Variants in ADGRB3 observed in about 807,000 individuals in gnomAD.
ADGRB3 encodes brain-specific angiogenesis inhibitor 3.
In ADGRB3, 37 loss-of-function variants were observed where a neutral mutation model predicts 193.4. The observed-to-expected ratio is 0.19, with a 90% CI of 0.15 to 0.25. ADGRB3 has a LOEUF of 0.25. Ranked by LOEUF, ADGRB3 falls within the 10% of genes least tolerant of loss-of-function variation. The pLI is 1.00. For synonymous variants in ADGRB3, 690 were observed against 644.2 expected (o/e 1.07, Z -1.08); for missense variants, 1,637 against 1,852.9 (o/e 0.88, Z 2.14).
At chr6:69,235,299 T>A (rs192820841) in intron 19 of ADGRB3, among the ~76,000 whole-genome samples, 164 bp downstream of exon 19, 1 of 152,134 alleles carries the variant, frequency 6.6e-6, no homozygotes, top group Admixed American at 6.5e-5. Context: ...AAATGAATTA[T>A]GTTTACCTAA....
chr6:68,994,836 A>G (rs1322042360), intron 11 of ADGRB3, among the ~76,000 whole-genome samples: 1 of 152,124 alleles, frequency 6.6e-6, no homozygotes, highest in African/African-American at 2.4e-5. Flanking sequence ...TTGTAAGTTT[A>G]TTGGTATTTC....
intron 3 of ADGRB3, among the ~76,000 whole-genome samples, chr6:68,736,833 C>T (rs551484376): frequency 1.3e-5 from 2 of 152,020 alleles, no homozygotes; most frequent in Admixed American, 1.3e-4. Flanking sequence ...TACCTAGAAG[C>T]TGGGTCACTA....
intron 20 of ADGRB3, among the ~76,000 whole-genome samples, chr6:69,243,277 C>A (rs113759627): frequency 0.077 from 11,772 of 151,972 alleles, 557 homozygotes; most frequent in Middle Eastern, 0.16. Context: ...GATAATCCCT[C>A]ATTAGCAAAT....
intron 17 of ADGRB3, among the ~76,000 whole-genome samples, chr6:69,106,738 G>C (rs1463090165): frequency 4.6e-5 from 7 of 152,196 alleles, no homozygotes; most frequent in Non-Finnish European, 1.0e-4. Flanking sequence ...TGAATTATTT[G>C]TTTACACTTG....
At chr6:68,982,471 G>A (rs1251883812) in intron 10 of ADGRB3, among the ~76,000 whole-genome samples, 1 of 152,092 alleles carries the variant, frequency 6.6e-6, no homozygotes, top group Non-Finnish European at 1.5e-5. Flanking sequence ...GCCTATATGT[G>A]CCCATCCTGT....
At chr6:68,963,431 ACTT>A (rs1768289278) in intron 8 of ADGRB3, among the ~76,000 whole-genome samples, 1 of 151,934 alleles carries the variant, frequency 6.6e-6, no homozygotes, top group Admixed American at 6.6e-5. Flanking sequence ...TTTCTCAAAA[ACTT>A]CTGTGGCTTT....
At chr6:69,313,937 G>A (rs1768254909) in intron 20 of ADGRB3, among the ~76,000 whole-genome samples, 1 of 151,676 alleles carries the variant, frequency 6.6e-6, no homozygotes, top group Non-Finnish European at 1.5e-5. Context: ...AAGAGAAAAT[G>A]CTTCCTTTTT....
At chr6:69,327,086 C>T (rs546469243) in intron 21 of ADGRB3, among the ~76,000 whole-genome samples, 19 of 151,848 alleles carry the variant, frequency 1.3e-4, no homozygotes, top group East Asian at 1.2e-3. Context: ...GATTAGATGA[C>T]GGATTTTTCA....
At chr6:68,755,963 A>G (rs1438690856) in intron 3 of ADGRB3, among the ~76,000 whole-genome samples, 1 of 152,176 alleles carries the variant, frequency 6.6e-6, no homozygotes, top group Non-Finnish European at 1.5e-5. Context: ...AGCATATTTA[A>G]GGAAGATAAT....
chr6:69,163,285 C>A (rs1157103290), intron 17 of ADGRB3, among the ~76,000 whole-genome samples: 1 of 151,986 alleles, frequency 6.6e-6, no homozygotes, highest in Non-Finnish European at 1.5e-5. Context: ...CACAGCAACA[C>A]CAATGGAAAT....
chr6:68,668,103 C>T (rs1176402120), intron 3 of ADGRB3, among the ~76,000 whole-genome samples: 1 of 151,886 alleles, frequency 6.6e-6, no homozygotes, highest in Non-Finnish European at 1.5e-5. Context: ...AGTTAGAGAA[C>T]AGGAAGTTAC....
At chr6:68,993,674 A>G in intron 10 of ADGRB3, 94 bp from the exon 11 acceptor site, 1 of 1,310,736 alleles carries the variant, frequency 7.6e-7, no homozygotes, top group Non-Finnish European at 1.1e-6. Context: ...TTTTAAGTTA[A>G]TTGAGCAATT....
At chr6:68,684,646 A>G (rs2127299465) in intron 3 of ADGRB3, among the ~76,000 whole-genome samples, 1 of 152,288 alleles carries the variant, frequency 6.6e-6, no homozygotes, top group South Asian at 2.1e-4. Flanking sequence ...AATGTGATAT[A>G]AAAATTGCAA....
chr6:68,963,053 T>C (rs1582352786), intron 8 of ADGRB3, among the ~76,000 whole-genome samples: 1 of 152,160 alleles, frequency 6.6e-6, no homozygotes, highest in African/African-American at 2.4e-5. Context: ...TCTGGAGTGA[T>C]TCCTCATTCT....
At chr6:68,642,930 C>G (rs1768114972) in intron 3 of ADGRB3, among the ~76,000 whole-genome samples, 1 of 152,032 alleles carries the variant, frequency 6.6e-6, no homozygotes, top group African/African-American at 2.4e-5. Flanking sequence ...GTTTATAGGA[C>G]TCTTTTGCTG....
At chr6:69,108,401 T>C (rs1396542434) in intron 17 of ADGRB3, among the ~76,000 whole-genome samples, 2 of 114,528 alleles carry the variant, frequency 1.7e-5, no homozygotes, top group African/African-American at 3.0e-5. Context: ...TTTTTTTTTT[T>C]CCAAATCTCA....
chr6:69,239,046 C>A (rs771480713), intron 19 of ADGRB3, 78 bp from the exon 20 acceptor site: 13 of 645,308 alleles, frequency 2.0e-5, no homozygotes, highest in Non-Finnish European at 3.2e-5. Context: ...CAGATGAATG[C>A]CATCAGTTTG....
At chr6:68,975,885 A>G (rs1437687879) in intron 10 of ADGRB3, among the ~76,000 whole-genome samples, 3 of 152,176 alleles carry the variant, frequency 2.0e-5, no homozygotes, top group African/African-American at 4.8e-5. Flanking sequence ...CTTTTCCCAC[A>G]TATCATTGAC....
At chr6:69,318,449 A>G (rs939100770) in intron 20 of ADGRB3, among the ~76,000 whole-genome samples, 4 of 151,294 alleles carry the variant, frequency 2.6e-5, no homozygotes, top group African/African-American at 9.7e-5. Context: ...CTGATTTATT[A>G]TCCTTTTACT....
Sources: allele counts gnomAD v4.1 joint callset (sites outside exome capture counted in the v4.1 genomes callset), GRCh38; gene constraint gnomAD v4.1.1; transcripts MANE v1.5; gene names NCBI Gene and HGNC (gene_info 2026-07-23, HGNC 2026-07-21).